The following SLCO2B1 variants were observed in gnomAD, a reference collection of about 807,000 sequenced individuals.
SLCO2B1 encodes OATP-RP2.
SLCO2B1 carries 41 observed loss-of-function variants against 67.3 expected under a neutral mutation model. That is an observed-to-expected ratio of 0.61 (90% CI 0.47 to 0.79). The LOEUF is 0.79. Among genes scored for constraint, SLCO2B1 ranks in the 30% least tolerant of loss-of-function variants. The pLI, the probability that SLCO2B1 is intolerant of heterozygous loss-of-function variation, is 0.00. For missense variants in SLCO2B1, 837 were observed against 920.1 expected, an observed-to-expected ratio of 0.91 and a Z score of 1.17; for synonymous variants, 379 against 381.4, an observed-to-expected ratio of 0.99 and a Z score of 0.07.
At chr11:75,175,173 A>G (rs1223838502) in intron 7 of SLCO2B1, among the ~76,000 whole-genome samples, 1 of 152,148 alleles carries the variant, frequency 6.6e-6, no homozygotes, top group East Asian at 1.9e-4. Flanking sequence ...AAAAAGAAAC[A>G]AGGGCTGAGA....
chr11:75,205,781 T>G lies in SLCO2B1; in HGVS notation c.*1201T>G, dbSNP rs1945265994. 1 of 152,256 alleles carries G rather than the reference T, an allele frequency of 6.6e-6. No individual in the cohort carries two copies. Among genetic ancestry groups the G allele is most frequent in the African/African-American group, 2.4e-5 (1 of 41,462 alleles). The allele number at this position is 152,256 out of a possible 1,614,324, so 9.4% of individuals were successfully genotyped here. A position where few individuals can be genotyped will look rare whatever the true frequency, so the allele number is the denominator to read the frequency against. ...CCCTTGTTTTGTTTTATGGCTAGTC[T>G]TATCTGGCCTGGTTATTTCCTTGCG... On this transcript the variant is annotated 3_prime_UTR_variant, in exon 14 of 14. Coordinates refer to ENST00000289575, the MANE Select transcript of SLCO2B1 (RefSeq NM_007256.5).
At chr11:75,174,049 G>A (rs1158039606) in intron 7 of SLCO2B1, among the ~76,000 whole-genome samples, 7 of 152,080 alleles carry the variant, frequency 4.6e-5, no homozygotes, top group Admixed American at 1.3e-4. Flanking sequence ...TGATCTGCCC[G>A]CCTCAGCCTC....
chr11:75,186,025 GA>G (rs1377991587), intron 7 of SLCO2B1, among the ~76,000 whole-genome samples: 1 of 152,122 alleles, frequency 6.6e-6, no homozygotes, highest in Admixed American at 6.5e-5. Flanking sequence ...TAGAGGCTAA[GA>G]ATGCCTGACT....
At chr11:75,173,839 CAG>C (rs1274382146) in intron 7 of SLCO2B1, among the ~76,000 whole-genome samples, 2 of 152,198 alleles carry the variant, frequency 1.3e-5, no homozygotes, top group Non-Finnish European at 2.9e-5. Context: ...TTTTTTGAGA[CAG>C]AGTCTTACCC....
At chr11:75,190,916 G>A (rs1308604001) in intron 8 of SLCO2B1, among the ~76,000 whole-genome samples, 1 of 152,202 alleles carries the variant, frequency 6.6e-6, no homozygotes, top group South Asian at 2.1e-4. Context: ...CCTCAGAGCT[G>A]GAGATGGGCC....
chr11:75,186,347 T>A (rs911000049), intron 7 of SLCO2B1, among the ~76,000 whole-genome samples: 2 of 151,908 alleles, frequency 1.3e-5, no homozygotes, highest in African/African-American at 4.8e-5. Flanking sequence ...TAGCTGGGAT[T>A]ACAGGCATGA....
In SLCO2B1 at chr11:75,193,848, G is replaced by A. The variant is rs1439651943; in HGVS notation, c.1433+273G>A. On this transcript the variant is annotated intron_variant, in intron 9 of 13. Transcript: ENST00000289575. This position sits in a 1 kb window ranked among gnomAD's most constrained non-coding sequence, Gnocchi z 4.2. ...AGGGTGTGGAGGCTGAGATAGGGCA[G>A]AGCCACCCATGGGATGGCATGTCCA... Among the ~76,000 whole-genome samples, 1 of 152,202 alleles carries A rather than the reference G, an allele frequency of 6.6e-6. No homozygotes were observed. Among genetic ancestry groups the A allele is most frequent in the African/African-American group, 2.4e-5 (1 of 41,464 alleles).
Position 75,164,108 on chromosome 11 carries a change from C to A in SLCO2B1, c.285+8C>A. The A allele has an allele frequency of 1.9e-6, 3 of 1,605,274 alleles. No homozygotes were observed. In the South Asian group the frequency reaches 3.4e-5, roughly 18 times the overall value. ...CTGGCCTCCTTCAACGAGGTACAGG[C>A]CCCACCCAGCCACAGGGGTGGACAC... is the stretch of plus-strand genomic sequence containing the variant. On this transcript the variant is annotated splice_region_variant and intron_variant, in intron 3 of 13. Transcript: ENST00000289575.
At chr11:75,200,444 C>A in intron 11 of SLCO2B1, 57 bp downstream of exon 11, 1 of 1,491,666 alleles carries the variant, frequency 6.7e-7, no homozygotes, top group Non-Finnish European at 9.0e-7. Flanking sequence ...TAACCACAGG[C>A]AGAACAAGGA....
chr11:75,191,076 A>G (rs1433992786), intron 8 of SLCO2B1, among the ~76,000 whole-genome samples: 9 of 152,162 alleles, frequency 5.9e-5, no homozygotes, highest in Non-Finnish European at 1.2e-4. Context: ...GTGCAGGAGA[A>G]TGGACTGGAA....
At chr11:75,172,655 C>A in intron 7 of SLCO2B1, 86 bp downstream of exon 7, 1 of 1,256,404 alleles carries the variant, frequency 8.0e-7, no homozygotes, top group Non-Finnish European at 1.1e-6. Context: ...TTCGGCTGGG[C>A]GTGGTGGCTC....
Position 75,203,384 on chromosome 11 carries a change from C to T in SLCO2B1, c.1906C>T (p.Arg636Ter). The change falls in exon 13 of 14, where the codon CGA becomes TGA. Residue 636 changes from arginine (R) to a stop codon, truncating the protein, a stop_gained. Transcript: ENST00000289575. LOFTEE classifies it low-confidence loss of function (END_TRUNC). ...CVHWALSCGR[R>*]AVCRYYNNDL... ...GCACTGGGCCCTGAGCTGTGGGCGTCGAGCTGTCTGTCGCTACTACAATAA... is the reference window on the plus strand; with the variant it reads ...GCACTGGGCCCTGAGCTGTGGGCGTTGAGCTGTCTGTCGCTACTACAATAA... The T allele has an allele frequency of 2.5e-6, 4 of 1,614,176 alleles. No homozygotes were observed. Among genetic ancestry groups the T allele is most frequent in the Non-Finnish European group, 3.4e-6 (4 of 1,180,018 alleles).
In SLCO2B1 at chr11:75,193,183, C is replaced by T. The variant is rs1945049197; in HGVS notation, c.1076-35C>T. On this transcript the variant is annotated intron_variant, in intron 8 of 13. Coordinates refer to ENST00000289575, the MANE Select transcript of SLCO2B1 (RefSeq NM_007256.5). The surrounding 1 kb of genome is among the most constrained non-coding windows in gnomAD (Gnocchi z 4.2). ...AGTCTCTGCTGGACAGCTTGGCTGC[C>T]CTGCCTGCCCTGACCTCTGCACTCG... 5.2e-6 allele frequency: 8 copies of T among 1,534,384 alleles called. No homozygotes were observed. Among genetic ancestry groups the T allele is most frequent in the Non-Finnish European group, 7.1e-6 (8 of 1,126,252 alleles).
intron 8 of SLCO2B1, among the ~76,000 whole-genome samples, chr11:75,191,498 GC>G (rs1286705365): frequency 5.9e-5 from 9 of 152,168 alleles, no homozygotes; most frequent in Admixed American, 3.3e-4. Flanking sequence ...GAATTCCACA[GC>G]CCCCACCCAC....
chr11:75,162,075 T>A (rs1200028765), intron 1 of SLCO2B1, among the ~76,000 whole-genome samples: 1 of 152,122 alleles, frequency 6.6e-6, no homozygotes, highest in Non-Finnish European at 1.5e-5. Flanking sequence ...GATTTGGGGA[T>A]TGGCTGGTTA....
In SLCO2B1 at chr11:75,169,653, CTT is replaced by C; in HGVS notation, c.683-11_683-10del. On this transcript the variant is annotated splice_polypyrimidine_tract_variant and intron_variant, in intron 5 of 13. Coordinates refer to ENST00000289575, the MANE Select transcript of SLCO2B1 (RefSeq NM_007256.5). ...CAGGGCCAGAGGATCCTAACTCAGGCTTTGTGTTGTAGGGATCCTGTTTGCAG... is the reference window on the plus strand; with the variant it reads ...CAGGGCCAGAGGATCCTAACTCAGGCTGTGTTGTAGGGATCCTGTTTGCAG... 1.9e-6 allele frequency: 3 copies of C among 1,601,556 alleles called. No individual in the cohort carries two copies. The highest frequency in any genetic ancestry group is 2.6e-6 in the Non-Finnish European group (3 of 1,172,026).
chr11:75,202,713 C>T (rs1591840262), intron 11 of SLCO2B1, 188 bp from the exon 12 acceptor site: 1 of 618,388 alleles, frequency 1.6e-6, no homozygotes, highest in Non-Finnish European at 2.9e-6. Context: ...GTATATGGGA[C>T]CAGGCTCTGC....
intron 11 of SLCO2B1, chr11:75,202,057 G>T (rs1945190388): frequency 6.6e-6 from 1 of 152,214 alleles, no homozygotes; most frequent in African/African-American, 2.4e-5. Context: ...AAGAATTTTA[G>T]GAGTGTATGC....
At chr11:75,203,822 A>G in intron 13 of SLCO2B1, 1 of 191,070 alleles carries the variant, frequency 5.2e-6, no homozygotes, top group Non-Finnish European at 1.1e-5. Context: ...CTCCCTCATC[A>G]TGGGACTTAT....
Sources: gnomAD v4.1 joint callset for allele counts (sites outside exome capture counted in the v4.1 genomes callset) on GRCh38, gnomAD v4.1.1 for gene constraint, Gnocchi (gnomAD v3.1) non-coding constraint, MANE v1.5 for transcripts, NCBI Gene and HGNC (gene_info 2026-07-23, HGNC 2026-07-21) for gene names.